Variants in PHIP observed in about 807,000 individuals in gnomAD.
PHIP encodes PH-interacting protein.
PHIP carries 54 observed loss-of-function variants against 236.8 expected under a neutral mutation model. The observed-to-expected ratio is 0.23, with a 90% confidence interval of 0.18 to 0.29. PHIP has a LOEUF of 0.29. Among genes scored for constraint, PHIP ranks in the 10% least tolerant of loss-of-function variants. The pLI is 1.00. For synonymous variants in PHIP, 756 were observed against 718.9 expected (o/e 1.05, Z -0.83); for missense variants, 1,370 against 2,190.8 (o/e 0.63, Z 7.48).
In PHIP at chr6:78,954,942, ATCT is replaced by A. The variant is rs769841308; in HGVS notation, c.3922_3924del (p.Arg1308del). ...TCGTAAGACTGGGCTCTATTACGTAATCTTCTTCTAGGCTGATGGTCCTGTGAT... is the reference window on the plus strand; with the variant it reads ...TCGTAAGACTGGGCTCTATTACGTAATCTTCTAGGCTGATGGTCCTGTGAT... On this transcript the variant is annotated inframe_deletion, in exon 35 of 40. Coordinates refer to ENST00000275034, the MANE Select transcript of PHIP (RefSeq NM_017934.7). 123 of 1,570,846 alleles carry A rather than the reference ATCT, an allele frequency of 7.8e-5. 1 individual carries two copies. The highest frequency in any genetic ancestry group is 4.2e-4 in the South Asian group (35 of 83,764).
chr6:79,003,035 T>A (rs1309350156), intron 16 of PHIP, among the ~76,000 whole-genome samples: 5 of 152,134 alleles, frequency 3.3e-5, no homozygotes, highest in Non-Finnish European at 1.5e-5. Context: ...TTTACTATCA[T>A]AACCTTTTAT....
chr6:78,994,401 C>A (rs752043862), intron 19 of PHIP, among the ~76,000 whole-genome samples: 1 of 152,110 alleles, frequency 6.6e-6, no homozygotes, highest in Non-Finnish European at 1.5e-5. Context: ...CACAGTGAAA[C>A]CCCATCTCTA....
intron 7 of PHIP, 54 bp from the exon 8 acceptor site, chr6:79,026,218 A>G (rs1582243912): frequency 8.1e-7 from 1 of 1,240,400 alleles, no homozygotes; most frequent in East Asian, 2.3e-5. Context: ...TTAATTCAAA[A>G]TCTTAACACT....
intron 24 of PHIP, among the ~76,000 whole-genome samples, chr6:78,977,196 A>G (rs961328402): frequency 4.0e-5 from 6 of 151,114 alleles, no homozygotes; most frequent in African/African-American, 1.2e-4. Flanking sequence ...CTATGCAGCT[A>G]TAAAAAATGA....
At chr6:78,967,592 T>C (rs1330742863) in intron 27 of PHIP, among the ~76,000 whole-genome samples, 1 of 152,180 alleles carries the variant, frequency 6.6e-6, no homozygotes, top group African/African-American at 2.4e-5. Flanking sequence ...GGTGGGTGAA[T>C]GCATATATCC....
Position 79,078,134 on chromosome 6 carries a change from C to G in PHIP, c.-66G>C. 1 of 1,520,316 alleles carries G rather than the reference C, an allele frequency of 6.6e-7. No homozygotes were observed. The highest frequency in any genetic ancestry group is 1.7e-5 in the Admixed American group (1 of 57,852). The allele number at this position is 1,520,316 out of a possible 1,614,324, so 94.2% of individuals were successfully genotyped here. A position where few individuals can be genotyped will look rare whatever the true frequency, so the allele number is the denominator to read the frequency against. Reference sequence around the variant, plus strand: ...CGCCGAGGGGAAGCGGGGACGGTGCCGCCGCCTGCCCTATAGCTGTCAGTG... The same window carrying G: ...CGCCGAGGGGAAGCGGGGACGGTGCGGCCGCCTGCCCTATAGCTGTCAGTG... On this transcript the variant is annotated 5_prime_UTR_variant, in exon 1 of 40. Coordinates refer to ENST00000275034, the MANE Select transcript of PHIP (RefSeq NM_017934.7).
At chr6:78,992,254 C>T (rs1436510010) in intron 19 of PHIP, among the ~76,000 whole-genome samples, 7 of 152,030 alleles carry the variant, frequency 4.6e-5, no homozygotes, top group African/African-American at 9.7e-5. Flanking sequence ...TGAGCCACCG[C>T]GCCGGCCCAA....
At chr6:79,019,499 T>A (rs1771002415) in intron 9 of PHIP, among the ~76,000 whole-genome samples, 1 of 152,110 alleles carries the variant, frequency 6.6e-6, no homozygotes, top group South Asian at 2.1e-4. Context: ...TACAAACATA[T>A]AAGGAACTAA....
In PHIP at chr6:78,936,640, G is replaced by A. The variant is rs1375341758; in HGVS notation, c.*4053C>T. The A allele has an allele frequency of 1.3e-5, 2 of 151,726 alleles. No homozygotes were observed. The highest frequency in any genetic ancestry group is 3.0e-5 in the Non-Finnish European group (2 of 67,750). The allele number at this position is 151,726 out of a possible 1,614,324, so 9.4% of individuals were successfully genotyped here. Reference sequence around the variant, plus strand: ...CATTAAAAAAGTATTTCAACACAGAGCTATCAAAACTAAAAATAATATCTA... The same window carrying A: ...CATTAAAAAAGTATTTCAACACAGAACTATCAAAACTAAAAATAATATCTA... On this transcript the variant is annotated 3_prime_UTR_variant, in exon 40 of 40. Coordinates refer to ENST00000275034, the MANE Select transcript of PHIP (RefSeq NM_017934.7).
Position 78,946,798 on chromosome 6 carries a change from G to C in PHIP, c.4283C>G (p.Ala1428Gly). ...GGTATTTCTTTTATGAAAACGAAGA[G>C]CAGATTTATAATCTGATAAAACTGA... ...ISSVLSDYKS[A>G]LRFHKRNTIT... Residue 1428 changes from alanine (A) to glycine (G), a missense_variant, in exon 37 of 40, where the codon GCT (alanine) becomes GGT (glycine). Ala to Gly is a moderately conservative substitution (Grantham distance 60). Transcript: ENST00000275034. The C allele has an allele frequency of 6.3e-7, 1 of 1,591,054 alleles. No individual in the cohort carries two copies. The highest frequency in any genetic ancestry group is 1.1e-5 in the South Asian group (1 of 87,898).
At chr6:79,075,894 T>G (rs1774134220) in intron 4 of PHIP, among the ~76,000 whole-genome samples, 2 of 152,144 alleles carry the variant, frequency 1.3e-5, no homozygotes, top group South Asian at 4.1e-4. Context: ...TTTTTTCAAA[T>G]ATCAAGGAAG....
intron 20 of PHIP, among the ~76,000 whole-genome samples, chr6:78,989,486 A>G (rs1299202730): frequency 6.6e-6 from 1 of 152,204 alleles, no homozygotes; most frequent in Admixed American, 6.5e-5. Context: ...GTCTTAGAAA[A>G]AAACAAAGAC....
Position 79,019,116 on chromosome 6 carries a change from G to C in PHIP, c.967C>G (p.Gln323Glu). The change falls in exon 10 of 40, where the codon CAA becomes GAA. Residue 323 changes from glutamine (Q) to glutamate (E), a missense_variant. Gln to Glu is a conservative substitution (Grantham distance 29). Around this residue, in one of 14 missense-constraint regions of PHIP, gnomAD observed 188 missense variants for 354.3 expected, o/e 0.53. Transcript: ENST00000275034. ...KFTERPRPGV[Q>E]MICSSFSAGG... The stretch of plus-strand genomic sequence containing the variant: ...GCACTAAAAGAAGAACAGATCATTT[G>C]AACTCCAGGCCGAGGGCGCTCTGTA... 1 of 1,612,788 alleles carries C rather than the reference G, an allele frequency of 6.2e-7. No homozygotes were observed. Among genetic ancestry groups the C allele is most frequent in the Non-Finnish European group, 8.5e-7 (1 of 1,178,992 alleles).
chr6:79,078,005 G>C (rs770804224), intron 1 of PHIP, 24 bp downstream of exon 1: 2 of 1,607,560 alleles, frequency 1.2e-6, no homozygotes, highest in Admixed American at 1.7e-5. Context: ...CGGTGCCAGC[G>C]GCCCCGGCAG....
At chr6:79,003,578 C>T (rs1582206102) in intron 16 of PHIP, 152 bp downstream of exon 16, 2 of 453,386 alleles carry the variant, frequency 4.4e-6, no homozygotes, top group African/African-American at 4.1e-5. Flanking sequence ...ACCTTCCTTT[C>T]CGAAACTAAG....
Position 78,982,878 on chromosome 6 carries a change from A to C in PHIP, c.2769+8T>G. The stretch of plus-strand genomic sequence containing the variant: ...AAAACACCAAATTTGTAATGTTAAA[A>C]ACCAAACCTTTTGTTTTCTTTCTTT... On this transcript the variant is annotated splice_region_variant and intron_variant, in intron 23 of 39. Coordinates refer to ENST00000275034, the MANE Select transcript of PHIP (RefSeq NM_017934.7). 2 of 1,529,692 alleles carry C rather than the reference A, an allele frequency of 1.3e-6. No individual in the cohort carries two copies. The allele number at this position is 1,529,692 out of a possible 1,614,324, so 94.8% of individuals were successfully genotyped here.
In PHIP at chr6:79,060,464, C is replaced by G. The variant is rs765466334; in HGVS notation, c.439+14G>C. The stretch of plus-strand genomic sequence containing the variant: ...CAAGAGGCTATTAACTACTAGTGAA[C>G]TCAAACAACTCACCAATGCTGGGTG... On this transcript the variant is annotated intron_variant, in intron 6 of 39. Coordinates refer to ENST00000275034, the MANE Select transcript of PHIP (RefSeq NM_017934.7). 135 of 1,592,332 alleles carry G rather than the reference C, an allele frequency of 8.5e-5. No homozygotes were observed. The highest frequency in any genetic ancestry group is 2.2e-5 in the East Asian group (1 of 44,704).
intron 6 of PHIP, among the ~76,000 whole-genome samples, chr6:79,044,424 G>A (rs1057037245): frequency 6.6e-6 from 1 of 152,046 alleles, no homozygotes; most frequent in Non-Finnish European, 1.5e-5. Context: ...TTTTCTTCAC[G>A]CCCAGGAATG....
intron 4 of PHIP, among the ~76,000 whole-genome samples, chr6:79,071,287 T>G (rs887489532): frequency 6.6e-6 from 1 of 152,212 alleles, no homozygotes; most frequent in Non-Finnish European, 1.5e-5. Flanking sequence ...GATTTTTCAG[T>G]ACCCTGCTTT....
Sources: allele counts gnomAD v4.1 joint callset (sites outside exome capture counted in the v4.1 genomes callset), GRCh38; gene constraint gnomAD v4.1.1; regional missense constraint gnomAD v4.1.1; transcripts MANE v1.5; gene names NCBI Gene and HGNC (gene_info 2026-07-23, HGNC 2026-07-21).